RPUSD3: variants seen among roughly 807,000 people sequenced by gnomAD.
RPUSD3 encodes mitochondrial mRNA pseudouridine synthase RPUSD3.
RPUSD3 carries 36 observed loss-of-function variants against 35.1 expected under a neutral mutation model. The observed-to-expected ratio is 1.02, with a 90% CI of 0.79 to 1.35. The LOEUF (loss-of-function observed/expected upper bound fraction) is 1.35. Among genes scored for constraint, RPUSD3 ranks in the 40% most tolerant of loss-of-function variants. The pLI is 0.00. For synonymous variants in RPUSD3, 202 were observed against 187.8 expected (o/e 1.08, Z -0.62); for missense variants, 486 against 441.9 (o/e 1.10, Z -0.89).
chr3:9,838,127 A>C (rs1279327294), exon 9 of RPUSD3: 1 of 1,612,526 alleles, frequency 6.2e-7, no homozygotes, highest in East Asian at 2.2e-5. Flanking sequence ...GAAGGAGCCG[A>C]TGTAGGTGGA....
chr3:9,839,191 G>A lies in RPUSD3; in HGVS notation c.725-20C>T, dbSNP rs764871265. 48 of 1,597,220 alleles carry A rather than the reference G, an allele frequency of 3.0e-5. No homozygotes were observed. Among genetic ancestry groups the A allele is most frequent in the Non-Finnish European group, 3.7e-5 (43 of 1,167,284 alleles). On this transcript the variant is annotated intron_variant, in intron 7 of 8. Transcript: ENST00000383820. Reference sequence around the variant, plus strand: ...AGAACACTGGGCAACAGGAAAGCCAGGAGAGACAGTGGGCAGCTACTCGTT... The same window carrying A: ...AGAACACTGGGCAACAGGAAAGCCAAGAGAGACAGTGGGCAGCTACTCGTT...
intron 2 of RPUSD3, 172 bp downstream of exon 2, chr3:9,843,293 T>G: frequency 1.2e-6 from 1 of 845,542 alleles, no homozygotes; most frequent in Non-Finnish European, 1.9e-6. Flanking sequence ...TACTGCATCA[T>G]GGCAGTAGGG....
Position 9,843,438 on chromosome 3 carries a change from T to C in RPUSD3, c.262+27A>G, listed in dbSNP as rs762363585. 28 of 1,612,684 alleles carry C rather than the reference T, an allele frequency of 1.7e-5. No individual in the cohort carries two copies. In the Admixed American group the frequency reaches 4.5e-4, roughly 26 times the overall value. ...GCCGAGGCAGTCCCCTCCCGGTCCTTGTGCGGCCGTGCCTCTCACCCCTCA... is the reference window on the plus strand; with the variant it reads ...GCCGAGGCAGTCCCCTCCCGGTCCTCGTGCGGCCGTGCCTCTCACCCCTCA... On this transcript the variant is annotated intron_variant, in intron 2 of 8. Coordinates refer to ENST00000383820, the Ensembl canonical transcript of RPUSD3.
intron 1 of RPUSD3, 41 bp from the exon 2 acceptor site, chr3:9,843,642 G>C (rs1336939462): frequency 6.2e-7 from 1 of 1,606,958 alleles, no homozygotes; most frequent in African/African-American, 1.3e-5. Flanking sequence ...ATTCCATCCC[G>C]AGGTGCCACC....
chr3:9,840,079 ACCAT>A, intron 7 of RPUSD3, 101 bp downstream of exon 7: 1 of 1,432,468 alleles, frequency 7.0e-7, no homozygotes, highest in Admixed American at 2.4e-5. Context: ...ACAGGGTTTC[ACCAT>A]CTTGGCCAGA....
At position 9,840,964 on chromosome 3, in the gene RPUSD3, A is replaced by T. The variant is rs1244409964; in HGVS notation, c.408-159T>A. ...AACAAGTAAGGTTTCCCCTTCTTTG[A>T]TAACAAGACTATGTAGCTTAATGTG... On this transcript the variant is annotated intron_variant, in intron 4 of 8. Transcript: ENST00000383820. 10 of 563,334 alleles carry T rather than the reference A, an allele frequency of 1.8e-5. No homozygotes were observed. The East Asian group carries it at 3.0e-4, about 17-fold the overall frequency. 34.9% of individuals were successfully genotyped at this position (563,334 alleles called of 1,614,324 possible).
chr3:9,843,493 C>A (rs1339054917), exon 2 of RPUSD3: 1 of 1,614,024 alleles, frequency 6.2e-7, no homozygotes, highest in Non-Finnish European at 8.5e-7. Flanking sequence ...CTGCCCGCAG[C>A]GCATCAACCA....
At chr3:9,840,562 C>T in exon 6 of RPUSD3, 1 of 1,614,130 alleles carries the variant, frequency 6.2e-7, no homozygotes, top group Non-Finnish European at 8.5e-7. Flanking sequence ...GTTCCAGTTT[C>T]AGGGCAGCCT....
At chr3:9,843,083 G>A in intron 2 of RPUSD3, 1 of 185,554 alleles carries the variant, frequency 5.4e-6, no homozygotes, top group Non-Finnish European at 1.1e-5. Context: ...GTAGAGACGG[G>A]GTTTCACCAT....
chr3:9,840,340 C>T (rs2082084655), intron 6 of RPUSD3, 33 bp from the exon 7 acceptor site: 1 of 1,614,158 alleles, frequency 6.2e-7, no homozygotes, highest in Non-Finnish European at 8.5e-7. Context: ...ACAAGCCTTA[C>T]ACAGGTCTGG....
chr3:9,840,036 G>T (rs4299465), intron 7 of RPUSD3, 148 bp downstream of exon 7: 1 of 961,712 alleles, frequency 1.0e-6, no homozygotes, highest in Non-Finnish European at 1.5e-6. Context: ...GCCTGCCACC[G>T]TGCCCAGCTA....
At position 9,843,532 on chromosome 3, in the gene RPUSD3, C is replaced by CA; in HGVS notation, c.194dup (p.Leu66AlafsTer12). On this transcript the variant is annotated frameshift_variant, in exon 2 of 9. Coordinates refer to ENST00000383820, the Ensembl canonical transcript of RPUSD3. LOFTEE classifies it high-confidence loss of function. Reference sequence around the variant, plus strand: ...CCTCCCGACTGAGGTTTTTTGGCAGCAGCCCCGCGAAGGGCTGGTCCCCGA... The same window carrying CA: ...CCTCCCGACTGAGGTTTTTTGGCAGCAAGCCCCGCGAAGGGCTGGTCCCCGA... 6.2e-7 allele frequency: 1 copy of CA among 1,613,904 alleles called. No homozygotes were observed. Among genetic ancestry groups the CA allele is most frequent in the Non-Finnish European group, 8.5e-7 (1 of 1,179,996 alleles).
intron 7 of RPUSD3, 162 bp from the exon 8 acceptor site, chr3:9,839,333 T>C (rs550148585): frequency 5.0e-5 from 35 of 697,500 alleles, no homozygotes; most frequent in Non-Finnish European, 7.6e-5. Flanking sequence ...GAGGGACACA[T>C]AACACGTCAG....
intron 8 of RPUSD3, 69 bp from the exon 9 acceptor site, chr3:9,838,276 G>T: frequency 2.0e-6 from 3 of 1,514,902 alleles, no homozygotes; most frequent in Non-Finnish European, 1.8e-6. Context: ...AGCTCTAAGG[G>T]AAATGGGAGT....
At position 9,843,462 on chromosome 3, in the gene RPUSD3, C is replaced by CA; in HGVS notation, c.262+2dup. On this transcript the variant is annotated splice_region_variant and intron_variant, in intron 2 of 8. Coordinates refer to ENST00000383820, the Ensembl canonical transcript of RPUSD3. ...TTGTGCGGCCGTGCCTCTCACCCCTCACCTTTCCGGTCCACCACGGCTGCC... is the reference window on the plus strand; with the variant it reads ...TTGTGCGGCCGTGCCTCTCACCCCTCAACCTTTCCGGTCCACCACGGCTGCC... The CA allele has an allele frequency of 2.5e-6, 4 of 1,613,942 alleles. No individual in the cohort carries two copies. Among genetic ancestry groups the CA allele is most frequent in the Non-Finnish European group, 2.5e-6 (3 of 1,179,926 alleles).
chr3:9,843,432 G>T (rs775953506), intron 2 of RPUSD3, 33 bp downstream of exon 2: 2 of 1,611,948 alleles, frequency 1.2e-6, no homozygotes, highest in Non-Finnish European at 8.5e-7. Flanking sequence ...GTCCCCTCCC[G>T]GTCCTTGTGC....
At position 9,843,409 on chromosome 3, in the gene RPUSD3, G is replaced by A. The variant is rs968724613; in HGVS notation, c.262+56C>T. The A allele has an allele frequency of 5.6e-6, 9 of 1,603,690 alleles. No homozygotes were observed. The African/African-American group carries it at 1.1e-4, about 19-fold the overall frequency. On this transcript the variant is annotated intron_variant, in intron 2 of 8. Transcript: ENST00000383820. ...CGTGGCTTCAATGGAGAGCCCAACTGCACGCCGAGGCAGTCCCCTCCCGGT... is the reference window on the plus strand; with the variant it reads ...CGTGGCTTCAATGGAGAGCCCAACTACACGCCGAGGCAGTCCCCTCCCGGT...
intron 6 of RPUSD3, 102 bp from the exon 7 acceptor site, chr3:9,840,409 C>T (rs2082085860): frequency 6.2e-7 from 1 of 1,608,824 alleles, no homozygotes; most frequent in Admixed American, 1.7e-5. Context: ...ACAGTATAGG[C>T]AGTGGTCACT....
In RPUSD3 at chr3:9,839,045, T is replaced by A. The variant is rs538107554; in HGVS notation, c.851A>T (p.Lys284Met). 2.5e-6 allele frequency: 4 copies of A among 1,613,916 alleles called. No homozygotes were observed. The highest frequency in any genetic ancestry group is 3.4e-6 in the Non-Finnish European group (4 of 1,179,830). ...GGGCTGGAGTACCTGTCTTTGGGGCTTGTTGTTCTCAGCTGGCAGCAGAAA... is the reference window on the plus strand; with the variant it reads ...GGGCTGGAGTACCTGTCTTTGGGGCATGTTGTTCTCAGCTGGCAGCAGAAA... Residue 284 changes from lysine to methionine, a missense_variant, in exon 8 of 9, where the codon AAG becomes ATG. Coordinates refer to ENST00000383820, the Ensembl canonical transcript of RPUSD3.
Sources: gnomAD v4.1 joint callset for allele counts on GRCh38, gnomAD v4.1.1 for gene constraint, MANE v1.5 for transcripts, NCBI Gene and HGNC (gene_info 2026-07-23, HGNC 2026-07-21) for gene names.